LRMDA: variants seen among roughly 807,000 people sequenced by gnomAD.
The protein encoded by LRMDA is leucine-rich melanocyte differentiation-associated protein.
In LRMDA, 18 loss-of-function variants were observed where a neutral mutation model predicts 29.8. The observed-to-expected ratio is 0.60, with a 90% CI of 0.42 to 0.90. The LOEUF (loss-of-function observed/expected upper bound fraction) is 0.90, where lower values mean the gene tolerates loss of function less well. LRMDA is among the 40% of genes least tolerant of loss of function. The pLI, the probability that LRMDA is intolerant of heterozygous loss-of-function variation, is 0.00. For synonymous variants in LRMDA, 125 were observed against 109.4 expected (o/e 1.14, Z -0.89); for missense variants, 273 against 273.9 (o/e 1.00, Z 0.02).
chr10:75,448,772 G>C (rs536482704), intron 2 of LRMDA, among the ~76,000 whole-genome samples: 11 of 152,298 alleles, frequency 7.2e-5, no homozygotes, highest in African/African-American at 2.6e-4. Context: ...TCATGATAAA[G>C]CAGACTTGCC....
chr10:76,105,657 C>A (rs1175782111), intron 5 of LRMDA, among the ~76,000 whole-genome samples: 1 of 152,156 alleles, frequency 6.6e-6, no homozygotes, highest in Admixed American at 6.5e-5. Context: ...AGGATGGATT[C>A]TCCCCTAGAG....
At chr10:75,658,519 G>C (rs557262782) in intron 2 of LRMDA, among the ~76,000 whole-genome samples, 1 of 151,972 alleles carries the variant, frequency 6.6e-6, no homozygotes, top group Admixed American at 6.5e-5. Flanking sequence ...GTTCTGGAGC[G>C]GGGTGGCTTC....
chr10:75,562,124 AGTGG>A (rs1001351040), intron 2 of LRMDA, among the ~76,000 whole-genome samples: 3 of 151,956 alleles, frequency 2.0e-5, no homozygotes, highest in Non-Finnish European at 2.9e-5. Context: ...TAATGTTGAC[AGTGG>A]GGTGTTAAAG....
chr10:76,225,072 A>G (rs549421154), intron 5 of LRMDA, among the ~76,000 whole-genome samples: 8 of 152,134 alleles, frequency 5.3e-5, no homozygotes, highest in African/African-American at 1.9e-4. Context: ...TCTGTGTGCT[A>G]TGGTTTGGAA....
At chr10:75,709,893 C>A (rs560098526) in intron 2 of LRMDA, among the ~76,000 whole-genome samples, 1 of 152,276 alleles carries the variant, frequency 6.6e-6, no homozygotes, top group South Asian at 2.1e-4. Flanking sequence ...CCCTTGGCAG[C>A]CTTCATTAGA....
chr10:76,245,374 C>T (rs1852355838), intron 5 of LRMDA, among the ~76,000 whole-genome samples: 1 of 151,970 alleles, frequency 6.6e-6, no homozygotes, highest in Non-Finnish European at 1.5e-5. Context: ...GGGACATGGC[C>T]CTGTTATAAG....
intron 5 of LRMDA, among the ~76,000 whole-genome samples, chr10:76,099,618 C>T (rs1211174145): frequency 6.6e-6 from 1 of 151,738 alleles, no homozygotes; most frequent in African/African-American, 2.4e-5. Flanking sequence ...ATATTTTCCA[C>T]ATTGCCTTAT....
intron 6 of LRMDA, among the ~76,000 whole-genome samples, chr10:76,547,794 A>G (rs1441303392): frequency 6.6e-6 from 1 of 152,136 alleles, no homozygotes; most frequent in Non-Finnish European, 1.5e-5. Flanking sequence ...ACGGACCCGC[A>G]CTGAAGGGCA....
intron 2 of LRMDA, among the ~76,000 whole-genome samples, chr10:75,967,333 G>A (rs1402647252): frequency 6.6e-6 from 1 of 151,962 alleles, no homozygotes; most frequent in African/African-American, 2.4e-5. Flanking sequence ...TTGCTCCCTA[G>A]CCAAACAATT....
chr10:75,940,085 T>A (rs532515180), intron 2 of LRMDA, among the ~76,000 whole-genome samples: 3 of 152,284 alleles, frequency 2.0e-5, no homozygotes, highest in Admixed American at 6.5e-5. Context: ...AATTAGGTGA[T>A]GAATTCAACA....
At chr10:76,512,224 T>C (rs373038817) in intron 6 of LRMDA, among the ~76,000 whole-genome samples, 1 of 152,230 alleles carries the variant, frequency 6.6e-6, no homozygotes, top group Non-Finnish European at 1.5e-5. Flanking sequence ...TCCCCAGCCA[T>C]GTGCAACTGT....
intron 2 of LRMDA, among the ~76,000 whole-genome samples, chr10:76,029,199 T>A (rs1340926793): frequency 6.6e-6 from 1 of 152,200 alleles, no homozygotes; most frequent in African/African-American, 2.4e-5. Context: ...TCAAAACTTT[T>A]CCTTAATGCA....
intron 5 of LRMDA, among the ~76,000 whole-genome samples, chr10:76,273,068 G>A (rs1178503550): frequency 6.6e-6 from 1 of 152,046 alleles, no homozygotes; most frequent in Non-Finnish European, 1.5e-5. Flanking sequence ...GCTTGCATAT[G>A]TACCTATACA....
Position 75,494,257 on chromosome 10 carries a change from ACTT to A in LRMDA, c.131+55767_131+55769del, listed in dbSNP as rs534643068. ...AGTAGCCTGAAAATAGTGGTCTTTT[ACTT>A]CTTGTCTTTAGAGATATGGTGGCTG... is the stretch of plus-strand genomic sequence containing the variant. On this transcript the variant is annotated intron_variant, in intron 2 of 6. Transcript: ENST00000611255. 2.1e-3 allele frequency among the ~76,000 whole-genome samples: 319 copies of A among 152,224 alleles called. 3 individuals are homozygous for A. Among genetic ancestry groups the A allele is most frequent in the Middle Eastern group, 0.01 (3 of 294 alleles).
At chr10:75,590,054 C>G (rs1224056710) in intron 2 of LRMDA, among the ~76,000 whole-genome samples, 2 of 148,278 alleles carry the variant, frequency 1.3e-5, no homozygotes, top group Non-Finnish European at 3.0e-5. Context: ...GGGTCTCACT[C>G]TGTTGCCCAG....
chr10:76,252,691 C>T lies in LRMDA; in HGVS notation c.517-71710C>T, dbSNP rs149027587. On this transcript the variant is annotated intron_variant, in intron 5 of 6. Coordinates refer to ENST00000611255, the MANE Select transcript of LRMDA (RefSeq NM_001305581.2). The stretch of plus-strand genomic sequence containing the variant: ...GGTAGGGAGATGTTAGGTTTTTCTG[C>T]CTGTCTTAAACTCATGGTTTGGTCA... Among the ~76,000 whole-genome samples the T allele has an allele frequency of 2.0e-3, 306 of 152,274 alleles. 3 individuals carry two copies. The highest frequency in any genetic ancestry group is 6.8e-3 in the African/African-American group (284 of 41,532).
At chr10:76,207,023 T>C (rs1167304022) in intron 5 of LRMDA, among the ~76,000 whole-genome samples, 1 of 152,210 alleles carries the variant, frequency 6.6e-6, no homozygotes, top group Admixed American at 6.5e-5. Context: ...CTGCAGTTTG[T>C]GGTGGTTAAG....
chr10:75,984,599 T>G (rs1847231706), intron 2 of LRMDA, among the ~76,000 whole-genome samples: 1 of 152,202 alleles, frequency 6.6e-6, no homozygotes, highest in South Asian at 2.1e-4. Context: ...TGGCCCTGTG[T>G]GGGGGACCAA....
At chr10:75,490,366 CACACACACAG>C (rs1343534272) in intron 2 of LRMDA, among the ~76,000 whole-genome samples, 1 of 147,450 alleles carries the variant, frequency 6.8e-6, no homozygotes, top group Non-Finnish European at 1.5e-5. Flanking sequence ...CACACACACA[CACACACACAG>C]AGTCAACTTC....
Sources: gnomAD v4.1 joint callset for allele counts (sites outside exome capture counted in the v4.1 genomes callset) on GRCh38, gnomAD v4.1.1 for gene constraint, MANE v1.5 for transcripts, NCBI Gene and HGNC (gene_info 2026-07-23, HGNC 2026-07-21) for gene names.